Variants in PLEKHH3 observed in about 807,000 individuals in gnomAD.
PLEKHH3 encodes the protein pleckstrin homology domain-containing family H member 3.
In PLEKHH3, 57 loss-of-function variants were observed where a neutral mutation model predicts 77.8. The ratio of observed to expected loss-of-function variants is 0.73; its 90% CI spans 0.59 to 0.91. The LOEUF (loss-of-function observed/expected upper bound fraction) is 0.91. Ranked by LOEUF, PLEKHH3 falls within the 40% of genes least tolerant of loss-of-function variation. PLEKHH3 has a pLI of 0.00. For missense variants in PLEKHH3, 1,082 were observed against 1,091.2 expected (o/e 0.99, Z 0.12); for synonymous variants, 467 against 504.8 (o/e 0.93, Z 1.00).
intron 9 of PLEKHH3, 142 bp downstream of exon 9, chr17:42,670,852 G>A (rs1207357962): frequency 6.6e-7 from 1 of 1,522,374 alleles, no homozygotes; most frequent in African/African-American, 1.4e-5. Context: ...CTGCAAACCT[G>A]CGGCGGGCAG....
At chr17:42,670,866 C>G (rs1008388476) in intron 9 of PLEKHH3, 128 bp downstream of exon 9, 4 of 1,525,718 alleles carry the variant, frequency 2.6e-6, no homozygotes, top group Non-Finnish European at 3.5e-6. Context: ...CGGGCAGGTC[C>G]GTCTGTAAAC....
chr17:42,676,368 G>C lies in PLEKHH3; in HGVS notation c.162+34C>G, dbSNP rs1487020243. 6.2e-7 allele frequency: 1 copy of C among 1,610,600 alleles called. No homozygotes were observed. The highest frequency in any genetic ancestry group is 1.3e-5 in the African/African-American group (1 of 74,906). On this transcript the variant is annotated intron_variant, in intron 1 of 12. Transcript: ENST00000591022. The surrounding 1 kb of genome is among the most constrained non-coding windows in gnomAD (Gnocchi z 6.6). Reference sequence around the variant, plus strand: ...CGTGACGGCCGGTTACAGCGAGAGTGATTGAGACGAGGCTCCGAACCCCCG... The same window carrying C: ...CGTGACGGCCGGTTACAGCGAGAGTCATTGAGACGAGGCTCCGAACCCCCG...
rs768402350 is a variant in PLEKHH3 at position 42,671,491 on chromosome 17, G to A, written c.1144C>T (p.Arg382Trp). The A allele has an allele frequency of 2.5e-6, 4 of 1,613,054 alleles. No individual in the cohort carries two copies. Among genetic ancestry groups the A allele is most frequent in the South Asian group, 1.1e-5 (1 of 91,050 alleles). The change falls in exon 8 of 13, where the codon CGG (arginine) becomes TGG (tryptophan). Residue 382 changes from arginine to tryptophan, a missense_variant. Around this residue, in one of 3 missense-constraint regions of PLEKHH3, gnomAD observed 733 missense variants for 750.0 expected, o/e 0.98. Coordinates refer to ENST00000591022, the MANE Select transcript of PLEKHH3 (RefSeq NM_024927.5). The surrounding 1 kb of genome is among the most constrained non-coding windows in gnomAD (Gnocchi z 4.7). ...YARFIRKALG[R>W]TRGRELVPSL... Reference sequence around the variant, plus strand: ...GGCACCAGCTCTCTGCCGCGCGTCCGGCCCAGCGCTTTCCGGATGAAGCGC... The same window carrying A: ...GGCACCAGCTCTCTGCCGCGCGTCCAGCCCAGCGCTTTCCGGATGAAGCGC...
chr17:42,676,203 A>T lies in PLEKHH3; in HGVS notation c.162+199T>A, dbSNP rs1017651130. ...AGCAGGTGGATAGCGCCCAGCCTGC[A>T]GCGGGAGGCCCACAGGCACATCCCG... On this transcript the variant is annotated intron_variant, in intron 1 of 12. Coordinates refer to ENST00000591022, the MANE Select transcript of PLEKHH3 (RefSeq NM_024927.5). The surrounding 1 kb of genome is among the most constrained non-coding windows in gnomAD (Gnocchi z 6.6). 6.6e-6 allele frequency: 9 copies of T among 1,371,940 alleles called. No individual in the cohort carries two copies. In the African/African-American group the frequency reaches 8.8e-5, roughly 13 times the overall value. The allele number at this position is 1,371,940 out of a possible 1,614,324, so 85.0% of individuals were successfully genotyped here.
chr17:42,669,839 A>G, intron 11 of PLEKHH3, 79 bp downstream of exon 11: 1 of 1,573,940 alleles, frequency 6.4e-7, no homozygotes, highest in East Asian at 2.4e-5. Flanking sequence ...ATTACGTGAC[A>G]CTCCGTGGGA....
chr17:42,668,374 G>T, intron 12 of PLEKHH3, 71 bp from the exon 13 acceptor site: 1 of 1,353,456 alleles, frequency 7.4e-7, no homozygotes, highest in Non-Finnish European at 9.6e-7. Context: ...CCTTTCTCCA[G>T]GCTCTAGGGC....
Position 42,670,058 on chromosome 17 carries a change from C to G in PLEKHH3, c.1873G>C (p.Gly625Arg). 1 of 1,482,462 alleles carries G rather than the reference C, an allele frequency of 6.7e-7. No individual in the cohort carries two copies. Among genetic ancestry groups the G allele is most frequent in the Non-Finnish European group, 8.9e-7 (1 of 1,125,498 alleles). 91.8% of individuals were successfully genotyped at this position (1,482,462 alleles called of 1,614,324 possible). The change falls in exon 11 of 13, where the codon GGC becomes CGC. Residue 625 changes from glycine (G) to arginine (R), a missense_variant. Physicochemically the swap from Gly to Arg is moderately radical, Grantham distance 125 (BLOSUM62 -2). Around this residue, in one of 3 missense-constraint regions of PLEKHH3, gnomAD observed 733 missense variants for 750.0 expected, o/e 0.98. Transcript: ENST00000591022. ...CCGCCCAGCACGGCAGCTGCCGTGC[C>G]GGCGCCGCCTCCTCCCTCGCGGGCA... ...SIAREGGGGA[G>R]TAAAVLGGWK...
Position 42,676,094 on chromosome 17 carries a change from G to C in PLEKHH3, c.162+308C>G, listed in dbSNP as rs1403081448. The C allele has an allele frequency of 8.1e-7, 1 of 1,236,490 alleles. No homozygotes were observed. 76.6% of individuals were successfully genotyped at this position (1,236,490 alleles called of 1,614,324 possible). A position where few individuals can be genotyped will look rare whatever the true frequency, so the allele number is the denominator to read the frequency against. On this transcript the variant is annotated intron_variant, in intron 1 of 12. Coordinates refer to ENST00000591022, the MANE Select transcript of PLEKHH3 (RefSeq NM_024927.5). This position sits in a 1 kb window ranked among gnomAD's most constrained non-coding sequence, Gnocchi z 6.6. ...GGCGCTGGCGGAGGCGGAAGGAGAC[G>C]GGATGGGACGCGGGCCCAGCGGGGA...
At chr17:42,668,409 C>G in intron 12 of PLEKHH3, 106 bp from the exon 13 acceptor site, 2 of 982,736 alleles carry the variant, frequency 2.0e-6, no homozygotes, top group Non-Finnish European at 2.8e-6. Context: ...CAGGGTCCTA[C>G]GTGCTCTGGC....
rs1357733511 is a variant in PLEKHH3 at position 42,670,685 on chromosome 17, C to T, written c.1442G>A (p.Gly481Glu). The T allele has an allele frequency of 1.5e-5, 24 of 1,612,730 alleles. No individual in the cohort carries two copies. The highest frequency in any genetic ancestry group is 2.0e-5 in the Non-Finnish European group (24 of 1,179,574). Reference protein sequence around the residue: ...RFENLAAEEAGLEDSPDSGWR... With the variant: ...RFENLAAEEAELEDSPDSGWR... The stretch of plus-strand genomic sequence containing the variant: ...CCCGGAGTCGGGCGAGTCCTCCAAC[C>T]CAGCTTCCTCCGCGGCCAAGCTGCA... Residue 481 changes from glycine to glutamate, a missense_variant, in exon 10 of 13, where the codon GGG (glycine) becomes GAG (glutamate). By Grantham distance (98) the Gly-to-Glu change is moderately conservative. Transcript: ENST00000591022.
chr17:42,676,645 C>T lies in PLEKHH3; in HGVS notation c.-82G>A. 1.5e-6 allele frequency: 2 copies of T among 1,349,566 alleles called. No individual in the cohort carries two copies. Among genetic ancestry groups the T allele is most frequent in the African/African-American group, 1.4e-5 (1 of 69,042 alleles). The allele number at this position is 1,349,566 out of a possible 1,614,324, so 83.6% of individuals were successfully genotyped here. A position where few individuals can be genotyped will look rare whatever the true frequency, so the allele number is the denominator to read the frequency against. On this transcript the variant is annotated 5_prime_UTR_variant, in exon 1 of 13. Transcript: ENST00000591022. The surrounding 1 kb of genome is among the most constrained non-coding windows in gnomAD (Gnocchi z 6.6). ...CGGAGGAACTGGCGGGGCTCCGACC[C>T]GAGCAGGGGAAAGATGAGGTGGGAG...
Position 42,671,643 on chromosome 17 carries a change from T to C in PLEKHH3, c.1077-85A>G. On this transcript the variant is annotated intron_variant, in intron 7 of 12. Transcript: ENST00000591022. The surrounding 1 kb of genome is among the most constrained non-coding windows in gnomAD (Gnocchi z 4.7). ...TGCCTGCTTCTCTTATAGTTTATTT[T>C]ATCTAGCCGATTTCCTCCCCGCCCC... 7.2e-7 allele frequency: 1 copy of C among 1,380,964 alleles called. No homozygotes were observed. The highest frequency in any genetic ancestry group is 9.8e-7 in the Non-Finnish European group (1 of 1,022,176). 85.5% of individuals were successfully genotyped at this position (1,380,964 alleles called of 1,614,324 possible).
In PLEKHH3 at chr17:42,676,758, T is replaced by A; in HGVS notation, c.-195A>T. On this transcript the variant is annotated 5_prime_UTR_variant, in exon 1 of 13. Coordinates refer to ENST00000591022, the MANE Select transcript of PLEKHH3 (RefSeq NM_024927.5). The surrounding 1 kb of genome is among the most constrained non-coding windows in gnomAD (Gnocchi z 6.6). Reference sequence around the variant, plus strand: ...TAGCCAGACGCTGAGGGGGGCTCAGTGTCTGGGCCCCCGGAGGGGGGAGGG... The same window carrying A: ...TAGCCAGACGCTGAGGGGGGCTCAGAGTCTGGGCCCCCGGAGGGGGGAGGG... 1.6e-6 allele frequency: 1 copy of A among 608,288 alleles called. No individual in the cohort carries two copies. The highest frequency in any genetic ancestry group is 2.9e-6 in the Non-Finnish European group (1 of 346,264). The allele number at this position is 608,288 out of a possible 1,614,324, so 37.7% of individuals were successfully genotyped here.
At position 42,673,566 on chromosome 17, in the gene PLEKHH3, A is replaced by C. The variant is rs925268211; in HGVS notation, c.491-10T>G. 1 of 1,587,418 alleles carries C rather than the reference A, an allele frequency of 6.3e-7. No individual in the cohort carries two copies. The highest frequency in any genetic ancestry group is 1.3e-5 in the African/African-American group (1 of 74,512). On this transcript the variant is annotated splice_polypyrimidine_tract_variant and intron_variant, in intron 4 of 12. Transcript: ENST00000591022. ...GTCACTGACCACAGACCTGGGGAAA[A>C]GAGAGGCCAGGGAGGGCCATTAGGG... is the stretch of plus-strand genomic sequence containing the variant.
rs781042659 is a variant in PLEKHH3, at chr17:42,670,712, A to T, written c.1422-7T>A. ...AGCTTCCTCCGCGGCCAAGCTGCAG[A>T]AGAGGAGCGGACGAAGCGCTAGGGA... On this transcript the variant is annotated splice_polypyrimidine_tract_variant and splice_region_variant and intron_variant, in intron 9 of 12. Transcript: ENST00000591022. 1.2e-6 allele frequency: 2 copies of T among 1,611,190 alleles called. No individual in the cohort carries two copies. Among genetic ancestry groups the T allele is most frequent in the South Asian group, 1.1e-5 (1 of 90,994 alleles).
Position 42,669,611 on chromosome 17 carries a change from C to CG in PLEKHH3, c.2023dup (p.Arg675ProfsTer142), listed in dbSNP as rs1567955585. On this transcript the variant is annotated frameshift_variant, in exon 12 of 13. Coordinates refer to ENST00000591022, the MANE Select transcript of PLEKHH3 (RefSeq NM_024927.5). LOFTEE classifies it high-confidence loss of function. ...CAGGCACAGCTTCTGTGGAGCACCC[C>CG]GACCAGGCTCCTGCAGACAGAGAGG... 1 of 1,604,190 alleles carries CG rather than the reference C, an allele frequency of 6.2e-7. No individual in the cohort carries two copies. The highest frequency in any genetic ancestry group is 2.2e-5 in the East Asian group (1 of 44,578).
Position 42,673,492 on chromosome 17 carries a change from T to C in PLEKHH3, c.555A>G (p.Ala185=). 6.2e-7 allele frequency: 1 copy of C among 1,610,094 alleles called. No homozygotes were observed. Among genetic ancestry groups the C allele is most frequent in the Middle Eastern group, 1.7e-4 (1 of 6,038 alleles). ...HSVRLCSPRQ[A]EAERWGVALR... Reference sequence around the variant, plus strand: ...ATGCCACCCCCCAGCGCTCAGCCTCTGCCTGGCGTGGGGAGCAGAGGCGGA... The same window carrying C: ...ATGCCACCCCCCAGCGCTCAGCCTCCGCCTGGCGTGGGGAGCAGAGGCGGA... Residue 185 remains alanine (A), a synonymous_variant, in exon 5 of 13, where the codon GCA becomes GCG. Coordinates refer to ENST00000591022, the MANE Select transcript of PLEKHH3 (RefSeq NM_024927.5).
In PLEKHH3 at chr17:42,671,263, G is replaced by T; in HGVS notation, c.1284+88C>A. ...CTTACCAAAATAATCTAGACTCGGG[G>T]CAAACCTAGGGTCCAGGAAGAGGGA... is the stretch of plus-strand genomic sequence containing the variant. On this transcript the variant is annotated intron_variant, in intron 8 of 12. Transcript: ENST00000591022. The surrounding 1 kb of genome is among the most constrained non-coding windows in gnomAD (Gnocchi z 4.7). The T allele has an allele frequency of 6.5e-7, 1 of 1,542,570 alleles. No homozygotes were observed. The highest frequency in any genetic ancestry group is 8.8e-7 in the Non-Finnish European group (1 of 1,138,044).
Position 42,670,275 on chromosome 17 carries a change from C to A in PLEKHH3, c.1656G>T (p.Pro552=), listed in dbSNP as rs1478991194. The change falls in exon 11 of 13, where the codon CCG becomes CCT. Residue 552 remains proline, a synonymous_variant. Coordinates refer to ENST00000591022, the MANE Select transcript of PLEKHH3 (RefSeq NM_024927.5). The part of the protein sequence containing the change: ...RLQSLQRDFS[P]RVPLPRLDRL... ...GGTCCAGGCGGGGCAGGGGCACCCGCGGAGAGAAGTCCCGCTGCAGGCTCT... is the reference window on the plus strand; with the variant it reads ...GGTCCAGGCGGGGCAGGGGCACCCGAGGAGAGAAGTCCCGCTGCAGGCTCT... 5.4e-6 allele frequency: 7 copies of A among 1,299,008 alleles called. No individual in the cohort carries two copies. Among genetic ancestry groups the A allele is most frequent in the Non-Finnish European group, 6.8e-6 (7 of 1,026,958 alleles). 80.5% of individuals were successfully genotyped at this position (1,299,008 alleles called of 1,614,324 possible). A position where few individuals can be genotyped will look rare whatever the true frequency, so the allele number is the denominator to read the frequency against.
Sources: gnomAD v4.1 joint callset for allele counts on GRCh38, gnomAD v4.1.1 for gene constraint, gnomAD v4.1.1 regional missense constraint, Gnocchi (gnomAD v3.1) non-coding constraint, MANE v1.5 for transcripts, NCBI Gene and HGNC (gene_info 2026-07-23, HGNC 2026-07-21) for gene names.